The following PDZD7 variants were observed in gnomAD, a reference collection of about 807,000 sequenced individuals.
PDZD7 encodes PDZ domain containing 7, also known as PDZ domain-containing protein 7.
A neutral mutation model predicts 84.7 loss-of-function variants in PDZD7; 72 were observed. The observed-to-expected ratio is 0.85, with a 90% CI of 0.70 to 1.03. PDZD7 has a LOEUF of 1.03. PDZD7 is among the 50% of genes least tolerant of loss of function. The pLI is 0.00. For synonymous variants in PDZD7, 594 were observed against 580.7 expected (o/e 1.02, Z -0.33); for missense variants, 1,490 against 1,412.9 (o/e 1.05, Z -0.87).
intron 2 of PDZD7, among the ~76,000 whole-genome samples, chr10:101,027,716 C>A (rs140832548): frequency 7.9e-5 from 12 of 152,102 alleles, no homozygotes; most frequent in Admixed American, 5.2e-4. Flanking sequence ...TGTCGTCGTT[C>A]GCTTATTTGT....
intron 9 of PDZD7, 71 bp downstream of exon 9, chr10:101,018,028 A>G: frequency 1.3e-6 from 2 of 1,599,596 alleles, no homozygotes; most frequent in South Asian, 1.1e-5. Context: ...TGGGATCTCA[A>G]CTCAGAACTG....
chr10:101,030,292 G>T lies in PDZD7; in HGVS notation c.-73C>A. The T allele has an allele frequency of 7.5e-7, 1 of 1,340,148 alleles. No individual in the cohort carries two copies. The highest frequency in any genetic ancestry group is 1.0e-6 in the Non-Finnish European group (1 of 966,446). 83.0% of individuals were successfully genotyped at this position (1,340,148 alleles called of 1,614,324 possible). ...AGCTCTGGAGAGGCCAGCCCTGCGT[G>T]CTTCGAGCTCCATGAGCCTCTGTGC... On this transcript the variant is annotated 5_prime_UTR_variant, in exon 2 of 17. Coordinates refer to ENST00000619208, the MANE Select transcript of PDZD7 (RefSeq NM_001195263.2).
In PDZD7 at chr10:101,021,870, C is replaced by A. The variant is rs943430192; in HGVS notation, c.795G>T (p.Arg265Ser). Residue 265 changes from arginine to serine, a missense_variant, in exon 6 of 17, where the codon AGG becomes AGT. By Grantham distance (110) the Arg-to-Ser change is moderately radical. Transcript: ENST00000619208. ...CCTGGCTGTGGCTGATGTCGTCAAA[C>A]CTGACACCGTTGGCTGCCAGGACCT... ...GDQVLAANGV[R>S]FDDISHSQAV... is the part of the protein sequence containing the mutation. 3 of 1,614,200 alleles carry A rather than the reference C, an allele frequency of 1.9e-6. No individual in the cohort carries two copies. Among genetic ancestry groups the A allele is most frequent in the Non-Finnish European group, 2.5e-6 (3 of 1,180,046 alleles).
intron 7 of PDZD7, 134 bp downstream of exon 7, chr10:101,020,484 C>T: frequency 1.2e-6 from 1 of 808,676 alleles, no homozygotes; most frequent in Non-Finnish European, 2.1e-6. Context: ...GCGATCCTCC[C>T]ACCTCAGCCT....
intron 2 of PDZD7, among the ~76,000 whole-genome samples, chr10:101,028,467 T>C (rs1003929016): frequency 3.3e-5 from 5 of 152,260 alleles, no homozygotes; most frequent in Admixed American, 1.3e-4. Flanking sequence ...TGGTGTTGCA[T>C]GCCTATAGTT....
chr10:101,012,357 G>A (rs1852426104), intron 11 of PDZD7, 99 bp from the exon 12 acceptor site: 1 of 1,028,604 alleles, frequency 9.7e-7, no homozygotes, highest in South Asian at 1.4e-5. Flanking sequence ...ACGCATGTAG[G>A]GACCTATCCA....
In PDZD7 at chr10:101,018,270, TCTC is replaced by T. The variant is rs555444131; in HGVS notation, c.1348_1350del (p.Glu450del). 1,205 of 1,613,768 alleles carry T rather than the reference TCTC, an allele frequency of 7.5e-4. 8 individuals are homozygous for T. Among genetic ancestry groups the T allele is most frequent in the South Asian group, 5.3e-3 (480 of 91,052 alleles). ...CCCTTCTCCCCAGGGGACCCCGACT[TCTC>T]CTTCTTCCGCTGCTGCTTCTCCTCT... is the stretch of plus-strand genomic sequence containing the variant. On this transcript the variant is annotated inframe_deletion, in exon 9 of 17. Coordinates refer to ENST00000619208, the MANE Select transcript of PDZD7 (RefSeq NM_001195263.2).
chr10:101,029,928 T>A, intron 2 of PDZD7, 66 bp downstream of exon 2: 1 of 1,512,752 alleles, frequency 6.6e-7, no homozygotes, highest in Non-Finnish European at 9.1e-7. Context: ...CTCCTCCTGC[T>A]GAGTTCCCAT....
chr10:101,022,293 T>G lies in PDZD7; in HGVS notation c.635A>C (p.His212Pro). The G allele has an allele frequency of 1.2e-6, 2 of 1,614,162 alleles. No homozygotes were observed. The change falls in exon 5 of 17, where the codon CAC becomes CCC. Residue 212 changes from histidine to proline, a missense_variant. By Grantham distance (77) the His-to-Pro change is moderately conservative. Transcript: ENST00000619208. ...GAAGTCGTCGGAGGTTGTGTATAGG[T>G]GGACGATGCGCCGGACACCATCTTC... ...SSEDGVRRIV[H>P]LYTTSDDFCL...
Position 101,023,471 on chromosome 10 carries a change from C to G in PDZD7, c.507G>C (p.Val169=). The G allele has an allele frequency of 1.9e-6, 3 of 1,614,104 alleles. No homozygotes were observed. The highest frequency in any genetic ancestry group is 2.5e-6 in the Non-Finnish European group (3 of 1,180,020). ...TCTCCTTGGAGAACTTGATGCCCGGCACACGGCCCATGCGCCGAACCATCA... is the reference window on the plus strand; with the variant it reads ...TCTCCTTGGAGAACTTGATGCCCGGGACACGGCCCATGCGCCGAACCATCA... ...LHMMVRRMGR[V]PGIKFSKEKT... The change falls in exon 4 of 17, where the codon GTG becomes GTC. Residue 169 remains valine, a synonymous_variant. Coordinates refer to ENST00000619208, the MANE Select transcript of PDZD7 (RefSeq NM_001195263.2).
chr10:101,011,077 C>CAAATAA, intron 14 of PDZD7, 194 bp from the exon 15 acceptor site: 1 of 1,417,154 alleles, frequency 7.1e-7, no homozygotes, highest in Non-Finnish European at 9.2e-7. Context: ...GATGGAATCT[C>CAAATAA]ACTCTGTTGC....
intron 10 of PDZD7, 53 bp from the exon 11 acceptor site, chr10:101,015,864 T>A (rs1852599559): frequency 1.3e-6 from 2 of 1,509,538 alleles, no homozygotes; most frequent in Non-Finnish European, 1.8e-6. Context: ...TCAGCAGGGC[T>A]GGGCCCCAGA....
Position 101,011,734 on chromosome 10 carries a change from C to A in PDZD7, c.1961G>T (p.Arg654Leu). 2.6e-6 allele frequency: 4 copies of A among 1,546,430 alleles called. No individual in the cohort carries two copies. In the South Asian group the frequency reaches 4.8e-5, roughly 18 times the overall value. ...GTGACGCTTGGGTGGCGTGTCCTGC[C>A]GGGCTGGTCTCAAAGCAGGAGGCCG... The part of the protein sequence containing the change: ...AVRPPALRPA[R>L]QDTPPKRHLI... Residue 654 changes from arginine to leucine, a missense_variant, in exon 14 of 17, where the codon CGG becomes CTG. Coordinates refer to ENST00000619208, the MANE Select transcript of PDZD7 (RefSeq NM_001195263.2).
In PDZD7 at chr10:101,030,377, C is replaced by G; in HGVS notation, c.-158G>C. On this transcript the variant is annotated 5_prime_UTR_variant, in exon 2 of 17. Coordinates refer to ENST00000619208, the MANE Select transcript of PDZD7 (RefSeq NM_001195263.2). ...TTGCGATGCCTCTCAGAAGTGTGAGCTCCAGGCCTGGGCAGGGAGAGCAGG... is the reference window on the plus strand; with the variant it reads ...TTGCGATGCCTCTCAGAAGTGTGAGGTCCAGGCCTGGGCAGGGAGAGCAGG... 1 of 725,428 alleles carries G rather than the reference C, an allele frequency of 1.4e-6. No individual in the cohort carries two copies. Among genetic ancestry groups the G allele is most frequent in the Non-Finnish European group, 2.5e-6 (1 of 406,786 alleles). 44.9% of individuals were successfully genotyped at this position (725,428 alleles called of 1,614,324 possible).
At position 101,018,713 on chromosome 10, in the gene PDZD7, G is replaced by T. The variant is rs1456627141; in HGVS notation, c.1324+109C>A. 7.9e-6 allele frequency: 11 copies of T among 1,389,608 alleles called. No homozygotes were observed. In the African/African-American group the frequency reaches 8.7e-5, roughly 11 times the overall value. The allele number at this position is 1,389,608 out of a possible 1,614,324, so 86.1% of individuals were successfully genotyped here. Reference sequence around the variant, plus strand: ...AGCCTGGAGCTTGGGTTGGGCAAGGGCTTCGTCAAGGCCTGGGGCAAAGGG... The same window carrying T: ...AGCCTGGAGCTTGGGTTGGGCAAGGTCTTCGTCAAGGCCTGGGGCAAAGGG... On this transcript the variant is annotated intron_variant, in intron 8 of 16. Coordinates refer to ENST00000619208, the MANE Select transcript of PDZD7 (RefSeq NM_001195263.2).
chr10:101,012,373 G>T, intron 11 of PDZD7, 115 bp from the exon 12 acceptor site: 1 of 906,536 alleles, frequency 1.1e-6, no homozygotes, highest in Non-Finnish European at 1.7e-6. Context: ...ATCCAGCCCT[G>T]CGTGCCTTGG....
rs1281837631 is a variant in PDZD7, at chr10:101,008,483, G to A, written c.3086C>T (p.Ser1029Phe). Residue 1029 changes from serine to phenylalanine, a missense_variant, in exon 17 of 17, where the codon TCC becomes TTC. By Grantham distance (155) the Ser-to-Phe change is radical (BLOSUM62 -2). Transcript: ENST00000619208. ...GGGGGAGGGTCATGGGATGCGTGGG[G>A]AGGGTGCGGGCTTAGAATCAGGAGT... ...LQTPDSKPAPSPRIP is the reference protein window; with the variant it reads ...LQTPDSKPAPFPRIP The A allele has an allele frequency of 2.6e-6, 4 of 1,520,880 alleles. No homozygotes were observed. In the African/African-American group the frequency reaches 5.5e-5, roughly 21 times the overall value. The allele number at this position is 1,520,880 out of a possible 1,614,324, so 94.2% of individuals were successfully genotyped here.
In PDZD7 at chr10:101,030,383, G is replaced by C; in HGVS notation, c.-164C>G. On this transcript the variant is annotated splice_region_variant and 5_prime_UTR_variant, in exon 2 of 17. Coordinates refer to ENST00000619208, the MANE Select transcript of PDZD7 (RefSeq NM_001195263.2). ...TGCCTCTCAGAAGTGTGAGCTCCAG[G>C]CCTGGGCAGGGAGAGCAGGGATGAG... 1 of 717,952 alleles carries C rather than the reference G, an allele frequency of 1.4e-6. No individual in the cohort carries two copies. Among genetic ancestry groups the C allele is most frequent in the Non-Finnish European group, 2.5e-6 (1 of 400,078 alleles). The allele number at this position is 717,952 out of a possible 1,614,324, so 44.5% of individuals were successfully genotyped here.
intron 8 of PDZD7, 118 bp downstream of exon 8, chr10:101,018,704 T>C: frequency 7.5e-7 from 1 of 1,338,994 alleles, no homozygotes; most frequent in South Asian, 1.5e-5. Context: ...GAGCTTGGGT[T>C]GGGCAAGGGC....
Sources: allele counts gnomAD v4.1 joint callset (sites outside exome capture counted in the v4.1 genomes callset), GRCh38; gene constraint gnomAD v4.1.1; transcripts MANE v1.5; gene names NCBI Gene and HGNC (gene_info 2026-07-23, HGNC 2026-07-21).